The following NCKAP5 variants were observed in gnomAD, a reference collection of about 807,000 sequenced individuals.
NCKAP5 encodes the protein nck-associated protein 5.
In NCKAP5, 92 loss-of-function variants were observed where a neutral mutation model predicts 167.0. The observed-to-expected ratio is 0.55, with a 90% CI of 0.47 to 0.66. NCKAP5 has a LOEUF of 0.66. NCKAP5 is among the 30% of genes least tolerant of loss of function. NCKAP5 has a pLI of 0.00. For missense variants in NCKAP5, 2,378 were observed against 2,315.0 expected (o/e 1.03, Z -0.56); for synonymous variants, 891 against 877.4 (o/e 1.02, Z -0.27).
chr2:132,930,449 T>C (rs1444774036), intron 8 of NCKAP5: 7 of 152,186 alleles, frequency 4.6e-5, no homozygotes, highest in African/African-American at 1.7e-4. Flanking sequence ...CATCATTCCA[T>C]CACTTGATGG....
chr2:133,209,908 C>A (rs2086129813), intron 5 of NCKAP5, among the ~76,000 whole-genome samples: 1 of 152,056 alleles, frequency 6.6e-6, no homozygotes, highest in African/African-American at 2.4e-5. Flanking sequence ...TGGCTTATGC[C>A]TGTAATCCCA....
At chr2:132,921,808 C>T (rs115395683) in intron 8 of NCKAP5, among the ~76,000 whole-genome samples, 55 of 152,322 alleles carry the variant, frequency 3.6e-4, no homozygotes, top group African/African-American at 1.1e-3. Context: ...CAATACAGCA[C>T]CTCCACTCCT....
chr2:132,846,298 T>C (rs1372644408), intron 11 of NCKAP5, among the ~76,000 whole-genome samples: 1 of 152,042 alleles, frequency 6.6e-6, no homozygotes, highest in Non-Finnish European at 1.5e-5. Flanking sequence ...CAGTATAACT[T>C]CCTTTCTTCA....
intron 4 of NCKAP5, among the ~76,000 whole-genome samples, chr2:133,276,907 C>A (rs1361622410): frequency 1.3e-5 from 2 of 151,880 alleles, no homozygotes; most frequent in Admixed American, 1.3e-4. Flanking sequence ...TATATGACAC[C>A]CTGTTAATAA....
At chr2:132,883,783 T>C (rs989304268) in intron 8 of NCKAP5, among the ~76,000 whole-genome samples, 2 of 152,228 alleles carry the variant, frequency 1.3e-5, no homozygotes, top group African/African-American at 2.4e-5. Context: ...ATTCAAGTGT[T>C]CTCTGTTATT....
chr2:133,049,544 C>CAA (rs59494014), intron 6 of NCKAP5, among the ~76,000 whole-genome samples: 245 of 77,676 alleles, frequency 3.2e-3, no homozygotes, highest in African/African-American at 3.6e-3. Flanking sequence ...GACTCTGTCT[C>CAA]AAAAAAAAAA....
chr2:132,805,333 C>A (rs1048069176), intron 11 of NCKAP5, among the ~76,000 whole-genome samples: 2 of 152,142 alleles, frequency 1.3e-5, no homozygotes, highest in Non-Finnish European at 2.9e-5. Flanking sequence ...AGAGTTCATG[C>A]TCTTAATTCT....
chr2:133,180,029 C>G (rs1253473046), intron 5 of NCKAP5, among the ~76,000 whole-genome samples: 1 of 152,130 alleles, frequency 6.6e-6, no homozygotes, highest in African/African-American at 2.4e-5. Flanking sequence ...TGTGCCAAGA[C>G]AAACCATCGT....
At chr2:132,802,742 G>A (rs1255843279) in intron 11 of NCKAP5, among the ~76,000 whole-genome samples, 1 of 152,150 alleles carries the variant, frequency 6.6e-6, no homozygotes, top group Non-Finnish European at 1.5e-5. Flanking sequence ...GAAGGTGCAG[G>A]AAATTTTCTA....
At chr2:133,500,193 G>A (rs191168852) in intron 3 of NCKAP5, among the ~76,000 whole-genome samples, 1 of 152,208 alleles carries the variant, frequency 6.6e-6, no homozygotes, top group East Asian at 1.9e-4. Flanking sequence ...ACACACTGAG[G>A]ATAAATTCTA....
At chr2:132,946,514 C>T (rs999500533) in intron 8 of NCKAP5, among the ~76,000 whole-genome samples, 5 of 152,128 alleles carry the variant, frequency 3.3e-5, no homozygotes, top group Non-Finnish European at 7.3e-5. Context: ...CCAAAAACAT[C>T]TTAATTTCTC....
At chr2:132,970,843 G>A (rs1051475989) in intron 7 of NCKAP5, among the ~76,000 whole-genome samples, 1 of 152,168 alleles carries the variant, frequency 6.6e-6, no homozygotes, top group South Asian at 2.1e-4. Flanking sequence ...TTAGTCCTAA[G>A]AGAGGACAGC....
At chr2:132,965,600 T>C (rs2076635995) in intron 7 of NCKAP5, among the ~76,000 whole-genome samples, 1 of 152,190 alleles carries the variant, frequency 6.6e-6, no homozygotes, top group Non-Finnish European at 1.5e-5. Context: ...CACATACATA[T>C]ATCCACACAT....
chr2:133,436,684 C>A (rs1690501616), intron 3 of NCKAP5, among the ~76,000 whole-genome samples: 1 of 152,150 alleles, frequency 6.6e-6, no homozygotes, highest in African/African-American at 2.4e-5. Flanking sequence ...TCCTGAGAGA[C>A]TCGGCTTCGG....
In NCKAP5 at chr2:132,785,287, G is replaced by A. The variant is rs765615880; in HGVS notation, c.1524C>T (p.Ser508=). 2.2e-5 allele frequency: 35 copies of A among 1,601,508 alleles called. No individual in the cohort carries two copies. The highest frequency in any genetic ancestry group is 1.7e-4 in the Middle Eastern group (1 of 5,970). ...PHGSKLTHSV[S]DSLFGWETNR... is the part of the protein sequence containing the mutation. ...TTGTCTCCCAGCCAAACAGACTGTCGGAAACACTGTGGGTTAATTTACTGC... is the reference window on the plus strand; with the variant it reads ...TTGTCTCCCAGCCAAACAGACTGTCAGAAACACTGTGGGTTAATTTACTGC... The change falls in exon 14 of 20, where the codon TCC becomes TCT. Residue 508 remains serine, a synonymous_variant. Transcript: ENST00000409261.
chr2:133,204,541 A>C (rs1172339916), intron 5 of NCKAP5, among the ~76,000 whole-genome samples: 1 of 152,146 alleles, frequency 6.6e-6, no homozygotes, highest in Non-Finnish European at 1.5e-5. Flanking sequence ...TGTCCTCCTG[A>C]GGGGCCTTGA....
chr2:133,444,005 C>T (rs1226009306), intron 3 of NCKAP5, among the ~76,000 whole-genome samples: 2 of 151,860 alleles, frequency 1.3e-5, no homozygotes, highest in Admixed American at 6.6e-5. Context: ...TGTGACAATC[C>T]AATTCATGTT....
chr2:132,758,417 C>A (rs765112731), intron 16 of NCKAP5, among the ~76,000 whole-genome samples: 2 of 152,280 alleles, frequency 1.3e-5, no homozygotes, highest in African/African-American at 2.4e-5. Flanking sequence ...GCTTTTCAGT[C>A]GCTGATTTTT....
rs994360549 is a variant in NCKAP5 at position 133,125,842 on chromosome 2, G to T, written c.341+4136C>A. Among the ~76,000 whole-genome samples, 6 of 152,064 alleles carry T rather than the reference G, an allele frequency of 3.9e-5. No individual in the cohort carries two copies. The East Asian group carries it at 1.2e-3, about 29-fold the overall frequency. On this transcript the variant is annotated intron_variant, in intron 6 of 19. Transcript: ENST00000409261. Reference sequence around the variant, plus strand: ...ATGGCTGATTAGGTAACCTCTGGTGGCATATCCAATTTTTTTTTATTGCCT... The same window carrying T: ...ATGGCTGATTAGGTAACCTCTGGTGTCATATCCAATTTTTTTTTATTGCCT...
Sources: gnomAD v4.1 joint callset for allele counts (sites outside exome capture counted in the v4.1 genomes callset) on GRCh38, gnomAD v4.1.1 for gene constraint, MANE v1.5 for transcripts, NCBI Gene and HGNC (gene_info 2026-07-23, HGNC 2026-07-21) for gene names.